The following GIGYF2 variants were observed in gnomAD, a reference collection of about 807,000 sequenced individuals.
GIGYF2 encodes GRB10-interacting GYF protein 2.
GIGYF2 carries 25 observed loss-of-function variants against 208.1 expected under a neutral mutation model. The ratio of observed to expected loss-of-function variants is 0.12; its 90% confidence interval spans 0.09 to 0.17. The LOEUF (loss-of-function observed/expected upper bound fraction) is 0.17. Ranked by LOEUF, GIGYF2 falls within the 10% of genes least tolerant of loss-of-function variation. The pLI, the probability that GIGYF2 is intolerant of heterozygous loss-of-function variation, is 1.00. For synonymous variants in GIGYF2, 534 were observed against 543.8 expected (o/e 0.98, Z 0.25); for missense variants, 1,302 against 1,579.4 (o/e 0.82, Z 2.98).
intron 5 of GIGYF2, among the ~76,000 whole-genome samples, 167 bp downstream of exon 5, chr2:232,749,249 A>C (rs1271319521): frequency 6.6e-6 from 1 of 152,214 alleles, no homozygotes; most frequent in Non-Finnish European, 1.5e-5. Context: ...ATTTTGCTGT[A>C]GTATCTGTAG....
chr2:232,835,632 T>C (rs534541460), intron 22 of GIGYF2, among the ~76,000 whole-genome samples: 40 of 152,110 alleles, frequency 2.6e-4, no homozygotes, highest in Non-Finnish European at 4.9e-4. Flanking sequence ...ACTTGTTTGT[T>C]TATTTGTTTT....
intron 6 of GIGYF2, among the ~76,000 whole-genome samples, chr2:232,759,590 C>T (rs1224838358): frequency 6.6e-6 from 1 of 151,944 alleles, no homozygotes; most frequent in Non-Finnish European, 1.5e-5. Flanking sequence ...AGAATAATGT[C>T]CGTGCTTAAT....
chr2:232,718,334 C>A (rs969608285), intron 2 of GIGYF2, among the ~76,000 whole-genome samples: 5 of 152,076 alleles, frequency 3.3e-5, no homozygotes, highest in African/African-American at 9.7e-5. Flanking sequence ...CCTGACCTCA[C>A]GCGATCCACT....
intron 14 of GIGYF2, among the ~76,000 whole-genome samples, chr2:232,798,057 T>C (rs564892614): frequency 2.9e-4 from 44 of 151,762 alleles, no homozygotes; most frequent in African/African-American, 1.0e-3. Flanking sequence ...TGCTCTTTTA[T>C]AGCCACCTGA....
chr2:232,836,586 A>T (rs1407931312), intron 22 of GIGYF2, among the ~76,000 whole-genome samples: 2 of 147,486 alleles, frequency 1.4e-5, no homozygotes, highest in Non-Finnish European at 3.0e-5. Flanking sequence ...AAAAAAAAAA[A>T]ATCCCTTGGG....
At chr2:232,762,177 C>A (rs1698764848) in intron 8 of GIGYF2, among the ~76,000 whole-genome samples, 1 of 150,096 alleles carries the variant, frequency 6.7e-6, no homozygotes. Flanking sequence ...CCTACAAGTG[C>A]TAAAAAAGTT....
At chr2:232,720,581 A>ATTTTTTTTT (rs1331036864) in intron 2 of GIGYF2, among the ~76,000 whole-genome samples, 8 of 117,892 alleles carry the variant, frequency 6.8e-5, no homozygotes, top group South Asian at 8.2e-4. Context: ...ATATATATAT[A>ATTTTTTTTT]TATTTTTGTT....
At chr2:232,707,818 A>T (rs1696194835) in intron 2 of GIGYF2, among the ~76,000 whole-genome samples, 1 of 151,760 alleles carries the variant, frequency 6.6e-6, no homozygotes, top group Non-Finnish European at 1.5e-5. Context: ...TTGTATTTTT[A>T]GTAGAGACTG....
chr2:232,735,480 C>T (rs73003663), intron 3 of GIGYF2: 100 of 390,470 alleles, frequency 2.6e-4, no homozygotes, highest in African/African-American at 3.8e-4. Context: ...GAGTCCCACC[C>T]GCCCTAGAAA....
intron 21 of GIGYF2, among the ~76,000 whole-genome samples, chr2:232,831,087 A>G (rs1323269271): frequency 3.9e-5 from 6 of 152,304 alleles, no homozygotes; most frequent in Admixed American, 3.3e-4. Context: ...CATCAAATCA[A>G]GGGGTACACG....
intron 22 of GIGYF2, among the ~76,000 whole-genome samples, chr2:232,836,945 C>T (rs1701657382): frequency 2.0e-5 from 3 of 152,222 alleles, no homozygotes. Context: ...AAAAATCTCT[C>T]AGTCAGCTCT....
chr2:232,702,463 T>TATA (rs1416488683), intron 1 of GIGYF2, among the ~76,000 whole-genome samples: 6 of 151,930 alleles, frequency 3.9e-5, no homozygotes, highest in Admixed American at 6.6e-5. Flanking sequence ...AAACTCTATC[T>TATA]GTCTCTATCT....
intron 8 of GIGYF2, among the ~76,000 whole-genome samples, chr2:232,773,307 T>C (rs998297071): frequency 2.0e-5 from 3 of 152,212 alleles, no homozygotes; most frequent in African/African-American, 7.2e-5. Flanking sequence ...TTTCATACTG[T>C]ATTATCTCTT....
At chr2:232,741,670 C>G (rs896051233) in intron 3 of GIGYF2, among the ~76,000 whole-genome samples, 1 of 152,108 alleles carries the variant, frequency 6.6e-6, no homozygotes, top group African/African-American at 2.4e-5. Context: ...TCTTGAATTC[C>G]TGACCTCAAG....
At chr2:232,844,022 C>G in intron 23 of GIGYF2, 24 bp from the exon 24 acceptor site, 1 of 1,607,684 alleles carries the variant, frequency 6.2e-7, no homozygotes, top group Non-Finnish European at 8.5e-7. Flanking sequence ...GAATCCTCAG[C>G]TAGCTTCTGT....
intron 8 of GIGYF2, among the ~76,000 whole-genome samples, chr2:232,765,134 G>T (rs1460080629): frequency 6.6e-6 from 1 of 152,136 alleles, no homozygotes; most frequent in Admixed American, 6.5e-5. Flanking sequence ...TTTTTGAAAA[G>T]ATGCTCACTT....
chr2:232,754,351 C>CA (rs1219295810), intron 5 of GIGYF2, among the ~76,000 whole-genome samples: 1 of 152,014 alleles, frequency 6.6e-6, no homozygotes, highest in Non-Finnish European at 1.5e-5. Context: ...TAATTTTTTA[C>CA]ATGGGTAAGA....
At chr2:232,737,333 G>A (rs1697775020) in intron 3 of GIGYF2, among the ~76,000 whole-genome samples, 1 of 152,138 alleles carries the variant, frequency 6.6e-6, no homozygotes, top group South Asian at 2.1e-4. Flanking sequence ...TTTGAATTGA[G>A]GTAGCCTTAA....
At chr2:232,849,514 C>T (rs1274298836) in intron 27 of GIGYF2, among the ~76,000 whole-genome samples, 2 of 152,120 alleles carry the variant, frequency 1.3e-5, no homozygotes, top group African/African-American at 4.8e-5. Flanking sequence ...ATAGAAGGCT[C>T]TTTGCATTTG....
Sources: gnomAD v4.1 joint callset for allele counts (sites outside exome capture counted in the v4.1 genomes callset) on GRCh38, gnomAD v4.1.1 for gene constraint, MANE v1.5 for transcripts, NCBI Gene and HGNC (gene_info 2026-07-23, HGNC 2026-07-21) for gene names.